SOX6: variants seen among roughly 807,000 people sequenced by gnomAD.
SOX6 encodes transcription factor SOX-6.
In SOX6, 11 loss-of-function variants were observed where a neutral mutation model predicts 97.8. That is an observed-to-expected ratio of 0.11 (90% CI 0.07 to 0.19). SOX6 has a LOEUF of 0.19. Among genes scored for constraint, SOX6 ranks in the 10% least tolerant of loss-of-function variants. The probability of loss-of-function intolerance (pLI) is 1.00; values close to 1 mark genes in which losing one functional copy is unlikely to be tolerated. For synonymous variants in SOX6, 360 were observed against 371.4 expected, an observed-to-expected ratio of 0.97 and a Z score of 0.35; for missense variants, 810 against 1,039.5, an observed-to-expected ratio of 0.78 and a Z score of 3.04.
intron 1 of SOX6, among the ~76,000 whole-genome samples, chr11:16,352,793 A>T (rs1437771809): frequency 6.6e-6 from 1 of 151,986 alleles, no homozygotes; most frequent in Non-Finnish European, 1.5e-5. Flanking sequence ...GTACTTCTAC[A>T]GTTTGAGATA....
intron 4 of SOX6, among the ~76,000 whole-genome samples, chr11:16,509,213 T>G (rs1449800179): frequency 6.6e-6 from 1 of 151,816 alleles, no homozygotes; most frequent in African/African-American, 2.4e-5. Context: ...ACCATATATA[T>G]TCAATTAAAT....
intron 4 of SOX6, chr11:16,576,772 C>A (rs1452040831): frequency 6.6e-6 from 1 of 152,124 alleles, no homozygotes; most frequent in Non-Finnish European, 1.5e-5. Flanking sequence ...ATTTAATAGA[C>A]CCTATATGAT....
intron 3 of SOX6, among the ~76,000 whole-genome samples, chr11:16,274,290 A>G (rs2134233801): frequency 6.6e-6 from 1 of 152,202 alleles, no homozygotes; most frequent in Admixed American, 6.6e-5. Flanking sequence ...AAGTAAAATA[A>G]AATGTATCAA....
At chr11:16,727,312 T>C (rs1001290652) in intron 2 of SOX6, among the ~76,000 whole-genome samples, 3 of 101,516 alleles carry the variant, frequency 3.0e-5, no homozygotes, top group African/African-American at 9.6e-5. Context: ...TTTTTTTTTT[T>C]GGAGACTGCC....
At chr11:16,351,048 A>G (rs1856935317) in intron 1 of SOX6, among the ~76,000 whole-genome samples, 11 of 152,158 alleles carry the variant, frequency 7.2e-5, no homozygotes, top group Admixed American at 7.2e-4. Flanking sequence ...AAGTCATAAG[A>G]TTATTATATC....
intron 4 of SOX6, among the ~76,000 whole-genome samples, chr11:16,540,266 A>C (rs578127262): frequency 6.6e-6 from 1 of 152,214 alleles, no homozygotes; most frequent in Non-Finnish European, 1.5e-5. Flanking sequence ...GACGAAATTC[A>C]ACAGCCCTTC....
intron 1 of SOX6, among the ~76,000 whole-genome samples, chr11:16,385,157 A>G (rs1377949153): frequency 6.6e-6 from 1 of 152,118 alleles, no homozygotes; most frequent in African/African-American, 2.4e-5. Context: ...TAAATGAAAC[A>G]GTCACACAGT....
At chr11:16,327,588 G>A (rs1565093964) in intron 2 of SOX6, among the ~76,000 whole-genome samples, 1 of 152,000 alleles carries the variant, frequency 6.6e-6, no homozygotes, top group Non-Finnish European at 1.5e-5. Context: ...TATCCTATCT[G>A]CATATGGATT....
chr11:16,086,955 A>C (rs1397434974), intron 9 of SOX6, among the ~76,000 whole-genome samples: 2 of 152,238 alleles, frequency 1.3e-5, no homozygotes, highest in African/African-American at 4.8e-5. Context: ...AGAGAAGAAT[A>C]AATTATACAA....
At chr11:16,438,486 T>G (rs1338812662) in intron 1 of SOX6, among the ~76,000 whole-genome samples, 3 of 152,200 alleles carry the variant, frequency 2.0e-5, no homozygotes, top group Admixed American at 6.5e-5. Flanking sequence ...ACTAGGTATA[T>G]GCAGAATTGG....
chr11:16,259,623 C>T (rs984311206), intron 3 of SOX6, among the ~76,000 whole-genome samples: 22 of 152,088 alleles, frequency 1.4e-4, no homozygotes, highest in Non-Finnish European at 3.1e-4. Flanking sequence ...AACATTTAAA[C>T]TCAAAGACAT....
chr11:16,001,349 CT>C (rs1452862230), intron 13 of SOX6, among the ~76,000 whole-genome samples: 2 of 152,142 alleles, frequency 1.3e-5, no homozygotes, highest in African/African-American at 4.8e-5. Flanking sequence ...TCATTACAAT[CT>C]TTTAAAATGT....
chr11:16,659,950 A>G (rs1414074554), intron 3 of SOX6, among the ~76,000 whole-genome samples: 4 of 152,050 alleles, frequency 2.6e-5, no homozygotes, highest in African/African-American at 9.7e-5. Context: ...TTTAATGTTC[A>G]TGGAATCAGT....
chr11:16,570,402 A>AT (rs1847925883), intron 4 of SOX6, among the ~76,000 whole-genome samples: 3 of 152,180 alleles, frequency 2.0e-5, no homozygotes, highest in African/African-American at 7.2e-5. Flanking sequence ...CAATGAAAAA[A>AT]AAAACTTGTA....
chr11:16,389,090 T>A (rs1020890929), intron 1 of SOX6, among the ~76,000 whole-genome samples: 3 of 152,172 alleles, frequency 2.0e-5, no homozygotes, highest in African/African-American at 7.2e-5. Context: ...GTTTTTTGTT[T>A]TTGTTTTTAA....
chr11:15,975,190 A>G (rs1317655565), intron 15 of SOX6, among the ~76,000 whole-genome samples: 1 of 152,248 alleles, frequency 6.6e-6, no homozygotes, highest in Non-Finnish European at 1.5e-5. Context: ...AAATCTATGT[A>G]TAGAAACATC....
At chr11:16,621,047 T>C (rs1848538863) in intron 3 of SOX6, among the ~76,000 whole-genome samples, 1 of 152,208 alleles carries the variant, frequency 6.6e-6, no homozygotes, top group Non-Finnish European at 1.5e-5. Context: ...TGCCTATATT[T>C]GGAAGAGCAT....
chr11:16,612,461 T>A (rs946090930), intron 3 of SOX6, among the ~76,000 whole-genome samples: 24 of 151,966 alleles, frequency 1.6e-4, no homozygotes, highest in Non-Finnish European at 1.3e-4. Context: ...GTGGATAAAC[T>A]CATCCGTAAA....
intron 1 of SOX6, among the ~76,000 whole-genome samples, chr11:16,415,371 CTACT>C (rs1001613627): frequency 6.7e-6 from 1 of 149,404 alleles, no homozygotes; most frequent in Admixed American, 6.7e-5. Context: ...AGAATAGTAA[CTACT>C]AGAGGATAGG....
Sources: gnomAD v4.1 joint callset for allele counts (sites outside exome capture counted in the v4.1 genomes callset) on GRCh38, gnomAD v4.1.1 for gene constraint, MANE v1.5 for transcripts, NCBI Gene and HGNC (gene_info 2026-07-23, HGNC 2026-07-21) for gene names.